KCNIP4: variants seen among roughly 807,000 people sequenced by gnomAD.
KCNIP4 encodes the protein Kv channel-interacting protein 4.
Under a neutral mutation model 34.0 loss-of-function variants are expected in KCNIP4, and 12 were observed. That is an observed-to-expected ratio of 0.35 (90% CI 0.23 to 0.57). The LOEUF is 0.57. Among genes scored for constraint, KCNIP4 ranks in the 20% least tolerant of loss-of-function variants. The pLI is 0.83. For missense variants in KCNIP4, 238 were observed against 311.7 expected (o/e 0.76, Z 1.78); for synonymous variants, 124 against 102.2 (o/e 1.21, Z -1.29).
chr4:21,689,534 TG>T (rs1266532713), intron 1 of KCNIP4, among the ~76,000 whole-genome samples: 3 of 152,092 alleles, frequency 2.0e-5, no homozygotes. Context: ...GAAAGATGGC[TG>T]GGGGTTGAGC....
chr4:21,618,261 AG>A (rs1191203951), intron 1 of KCNIP4, among the ~76,000 whole-genome samples: 1 of 152,198 alleles, frequency 6.6e-6, no homozygotes, highest in African/African-American at 2.4e-5. Flanking sequence ...CAGCTCTTCA[AG>A]CCTGTGATTT....
chr4:21,342,464 A>T (rs1463303787), intron 1 of KCNIP4, among the ~76,000 whole-genome samples: 1 of 152,126 alleles, frequency 6.6e-6, no homozygotes, highest in African/African-American at 2.4e-5. Flanking sequence ...TCACTAGAGG[A>T]AATTGAAAGC....
intron 1 of KCNIP4, among the ~76,000 whole-genome samples, chr4:21,292,145 C>T (rs762841811): frequency 6.6e-5 from 10 of 152,154 alleles, no homozygotes; most frequent in Non-Finnish European, 1.0e-4. Flanking sequence ...TATTTGAACA[C>T]ATTTTGCTGG....
intron 1 of KCNIP4, among the ~76,000 whole-genome samples, chr4:21,450,000 T>C (rs575415065): frequency 6.6e-6 from 1 of 152,154 alleles, no homozygotes; most frequent in Non-Finnish European, 1.5e-5. Context: ...AGAAATTCAA[T>C]GGTAAGTAAG....
intron 1 of KCNIP4, among the ~76,000 whole-genome samples, chr4:21,466,473 C>A (rs898871015): frequency 4.6e-5 from 7 of 152,132 alleles, no homozygotes; most frequent in Non-Finnish European, 7.4e-5. Context: ...CAACAAATAT[C>A]ATTCATTAAC....
intron 1 of KCNIP4, among the ~76,000 whole-genome samples, chr4:21,017,967 G>A (rs1213332281): frequency 6.6e-6 from 1 of 152,088 alleles, no homozygotes; most frequent in East Asian, 1.9e-4. Context: ...TTGATGTGGT[G>A]TTTATATATT....
At chr4:21,354,534 A>T (rs1440327457) in intron 1 of KCNIP4, among the ~76,000 whole-genome samples, 4 of 152,192 alleles carry the variant, frequency 2.6e-5, no homozygotes, top group African/African-American at 7.2e-5. Context: ...ACCAACAAAG[A>T]TCGAAAGAGA....
At chr4:21,552,124 T>C (rs770085702) in intron 1 of KCNIP4, among the ~76,000 whole-genome samples, 9 of 151,698 alleles carry the variant, frequency 5.9e-5, no homozygotes, top group Non-Finnish European at 7.4e-5. Flanking sequence ...GATTAGGTAA[T>C]GGAATTAGTG....
intron 1 of KCNIP4, among the ~76,000 whole-genome samples, chr4:21,619,397 C>A (rs1049767209): frequency 6.6e-6 from 1 of 152,056 alleles, no homozygotes; most frequent in Non-Finnish European, 1.5e-5. Context: ...TGAGTTAAAG[C>A]AAGAGTAAGA....
intron 1 of KCNIP4, among the ~76,000 whole-genome samples, chr4:21,354,013 A>T (rs1718300265): frequency 2.0e-5 from 3 of 152,202 alleles, no homozygotes; most frequent in African/African-American, 4.8e-5. Flanking sequence ...TAAAGAAAAC[A>T]ATTTTCAACC....
At chr4:21,510,482 T>C (rs1019553054) in intron 1 of KCNIP4, among the ~76,000 whole-genome samples, 1 of 152,142 alleles carries the variant, frequency 6.6e-6, no homozygotes, top group Non-Finnish European at 1.5e-5. Context: ...ATCAGGCAGA[T>C]TTAGACAGTG....
intron 1 of KCNIP4, among the ~76,000 whole-genome samples, chr4:20,966,496 G>A (rs146783327): frequency 0.016 from 2,489 of 152,218 alleles, 39 homozygotes; most frequent in Non-Finnish European, 0.023. Context: ...AGTAAGACTA[G>A]CATAGAAAAA....
chr4:20,894,628 A>AAT (rs1238503101), intron 1 of KCNIP4, among the ~76,000 whole-genome samples: 4 of 152,212 alleles, frequency 2.6e-5, no homozygotes, highest in Non-Finnish European at 5.9e-5. Flanking sequence ...ATAAGGAGAA[A>AAT]ACGGAGGAGG....
chr4:20,888,098 T>C (rs1725517805), intron 1 of KCNIP4, among the ~76,000 whole-genome samples: 1 of 151,854 alleles, frequency 6.6e-6, no homozygotes, highest in Non-Finnish European at 1.5e-5. Flanking sequence ...TAAGAAGGTA[T>C]AGTCAAAACT....
At chr4:21,621,472 C>A (rs78045446) in intron 1 of KCNIP4, among the ~76,000 whole-genome samples, 2 of 152,126 alleles carry the variant, frequency 1.3e-5, no homozygotes, top group African/African-American at 4.8e-5. Flanking sequence ...AGCGATGGAT[C>A]GTCCTGCCTC....
chr4:21,366,302 C>G (rs992757749), intron 1 of KCNIP4, among the ~76,000 whole-genome samples: 1 of 152,144 alleles, frequency 6.6e-6, no homozygotes, highest in Non-Finnish European at 1.5e-5. Context: ...GCCTACAACC[C>G]GCAGAGGATG....
rs144958293 is a variant in KCNIP4 at position 21,294,175 on chromosome 4, A to G, written c.62-411466T>C. ...TTAAGGTGTGTTTGATATTATTAGC[A>G]TCTAATGCCATCTTCTTGCTTACCA... On this transcript the variant is annotated intron_variant, in intron 1 of 8. Transcript: ENST00000382152. 3.8e-3 allele frequency among the ~76,000 whole-genome samples: 585 copies of G among 152,314 alleles called. 1 individual carries two copies. Among genetic ancestry groups the G allele is most frequent in the African/African-American group, 0.013 (561 of 41,560 alleles).
intron 1 of KCNIP4, among the ~76,000 whole-genome samples, chr4:21,836,982 A>T (rs1441698275): frequency 6.9e-6 from 1 of 145,102 alleles, no homozygotes; most frequent in East Asian, 2.0e-4. Flanking sequence ...CAGTGGCACG[A>T]TCTCGGCTCA....
At chr4:21,503,375 G>C (rs1733524506) in intron 1 of KCNIP4, among the ~76,000 whole-genome samples, 1 of 152,144 alleles carries the variant, frequency 6.6e-6, no homozygotes, top group Non-Finnish European at 1.5e-5. Flanking sequence ...ATAACCTGTA[G>C]GTCCTTGAGG....
Sources: allele counts gnomAD v4.1 joint callset (sites outside exome capture counted in the v4.1 genomes callset), GRCh38; gene constraint gnomAD v4.1.1; transcripts MANE v1.5; gene names NCBI Gene and HGNC (gene_info 2026-07-23, HGNC 2026-07-21).